The following ZNF705G variants were observed in gnomAD, a reference collection of about 807,000 sequenced individuals.
The protein encoded by ZNF705G is putative zinc finger protein 705G.
A neutral mutation model predicts 19.6 loss-of-function variants in ZNF705G; 23 were observed. The ratio of observed to expected loss-of-function variants is 1.17; its 90% CI spans 0.84 to 1.66. The LOEUF (loss-of-function observed/expected upper bound fraction) is 1.66, where lower values mean the gene tolerates loss of function less well. Ranked by LOEUF, ZNF705G falls within the 40% of genes most tolerant of loss-of-function variation. ZNF705G has a pLI of 0.00. For synonymous variants in ZNF705G, 146 were observed against 117.7 expected, an observed-to-expected ratio of 1.24 and a Z score of -1.56; for missense variants, 457 against 354.4, an observed-to-expected ratio of 1.29 and a Z score of -2.32.
At chr8:7,379,849 G>A (rs145022456) in intron 2 of ZNF705G, among the ~76,000 whole-genome samples, 4 of 146,238 alleles carry the variant, frequency 2.7e-5, no homozygotes, top group African/African-American at 1.1e-4. Flanking sequence ...CCCAGACACA[G>A]GCAGCTGTGG....
intron 1 of ZNF705G, among the ~76,000 whole-genome samples, 179 bp from the exon 2 acceptor site, chr8:7,381,780 T>A (rs1371952215): frequency 2.0e-5 from 3 of 149,228 alleles, no homozygotes; most frequent in Non-Finnish European, 4.4e-5. Context: ...AAACTACCTA[T>A]CTGGTACTAT....
intron 3 of ZNF705G, among the ~76,000 whole-genome samples, chr8:7,362,730 G>C (rs150451986): frequency 0.024 from 3,597 of 149,166 alleles, 460 homozygotes; most frequent in African/African-American, 0.088. Context: ...ACCCAACCTA[G>C]AGTCCTGAGA....
chr8:7,383,135 T>A (rs1411831353), intron 1 of ZNF705G, among the ~76,000 whole-genome samples: 16 of 149,966 alleles, frequency 1.1e-4, no homozygotes, highest in African/African-American at 3.0e-4. Flanking sequence ...ATTTTTTTTT[T>A]TTTTTTTTTT....
chr8:7,381,651 C>T (rs1807502629), intron 1 of ZNF705G, 50 bp from the exon 2 acceptor site: 1 of 147,840 alleles, frequency 6.8e-6, no homozygotes. Flanking sequence ...GAATAGAAAA[C>T]CAAATATTGC....
At position 7,365,623 on chromosome 8, in the gene ZNF705G, G is replaced by A. The variant is rs1158008214; in HGVS notation, c.-71-2606C>T. Among the ~76,000 whole-genome samples, 71 of 149,384 alleles carry A rather than the reference G, an allele frequency of 4.8e-4. 4 individuals are homozygous for A. Among genetic ancestry groups the A allele is most frequent in the African/African-American group, 1.8e-3 (68 of 38,824 alleles). On this transcript the variant is annotated intron_variant, in intron 2 of 6. Transcript: ENST00000400156. ...GACCTCAGGTGATCCGCCAGCCTCCGCCTCTCAAAGTATTGGGATTACAGG... is the reference window on the plus strand; with the variant it reads ...GACCTCAGGTGATCCGCCAGCCTCCACCTCTCAAAGTATTGGGATTACAGG...
rs765587962 is a variant in ZNF705G, at chr8:7,358,533, A to C, written c.346T>G (p.Phe116Val). The change falls in exon 7 of 7, where the codon TTT (phenylalanine) becomes GTT (valine). Residue 116 changes from phenylalanine to valine, a missense_variant. Coordinates refer to ENST00000400156, the MANE Select transcript of ZNF705G (RefSeq NM_001164457.3). ...TCTTCTCCCGAATCATTACATTCAA[A>C]AGGATCCTCCAGAATGAGAGAGTTC... Reference protein sequence around the residue: ...MENSLILEDPFECNDSGEDCT... With the variant: ...MENSLILEDPVECNDSGEDCT... 2 of 1,607,358 alleles carry C rather than the reference A, an allele frequency of 1.2e-6. No homozygotes were observed. The highest frequency in any genetic ancestry group is 1.7e-6 in the Non-Finnish European group (2 of 1,179,582).
At position 7,361,191 on chromosome 8, in the gene ZNF705G, C is replaced by G. The variant is rs1336491272; in HGVS notation, c.58G>C (p.Glu20Gln). 3.1e-6 allele frequency: 5 copies of G among 1,592,954 alleles called. 1 individual carries two copies. The African/African-American group carries it at 7.1e-5, about 22-fold the overall frequency. ...TTGGATGTGTCCATCATGGCCCACT[C>G]TTCCTGGGTGAAGTCAATAGCTACA... ...EDVAIDFTQE[E>Q]WAMMDTSKRK... Residue 20 changes from glutamate to glutamine, a missense_variant, in exon 4 of 7, where the codon GAG (glutamate) becomes CAG (glutamine). Coordinates refer to ENST00000400156, the MANE Select transcript of ZNF705G (RefSeq NM_001164457.3).
intron 2 of ZNF705G, among the ~76,000 whole-genome samples, chr8:7,368,083 T>A (rs1436792739): frequency 6.7e-6 from 1 of 149,158 alleles, no homozygotes; most frequent in African/African-American, 2.6e-5. Flanking sequence ...CTGATTGGCT[T>A]CCCCTTATAT....
In ZNF705G at chr8:7,356,829, T is replaced by G. The variant is rs944090983; in HGVS notation, c.*1147A>C. ...ACAACAGATTGTATTCTTTCAATAT[T>G]TGTAAGTATTGATCTTTTGGAAAAG... On this transcript the variant is annotated 3_prime_UTR_variant, in exon 7 of 7. Transcript: ENST00000400156. The G allele has an allele frequency of 6.7e-5, 10 of 149,948 alleles. No homozygotes were observed. The highest frequency in any genetic ancestry group is 2.3e-4 in the African/African-American group (9 of 39,300). 9.3% of individuals were successfully genotyped at this position (149,948 alleles called of 1,614,324 possible). A position where few individuals can be genotyped will look rare whatever the true frequency, so the allele number is the denominator to read the frequency against.
chr8:7,358,892 A>G (rs1806429902), intron 6 of ZNF705G, among the ~76,000 whole-genome samples: 1 of 149,440 alleles, frequency 6.7e-6, no homozygotes, highest in African/African-American at 2.6e-5. Flanking sequence ...TGGCAATGCA[A>G]ACTGATAACT....
chr8:7,382,994 C>T lies in ZNF705G; in HGVS notation c.-221-1393G>A, dbSNP rs201250438. 6.7e-5 allele frequency among the ~76,000 whole-genome samples: 10 copies of T among 148,240 alleles called. 1 individual carries two copies. The South Asian group carries it at 1.5e-3, about 22-fold the overall frequency. Reference sequence around the variant, plus strand: ...ATCACTCTGTATGCCTTTTTGAACTCATACCCTAGCTCCCACTTATAAATG... The same window carrying T: ...ATCACTCTGTATGCCTTTTTGAACTTATACCCTAGCTCCCACTTATAAATG... On this transcript the variant is annotated intron_variant, in intron 1 of 6. Coordinates refer to ENST00000400156, the MANE Select transcript of ZNF705G (RefSeq NM_001164457.3).
intron 4 of ZNF705G, among the ~76,000 whole-genome samples, chr8:7,360,649 G>A (rs1409184053): frequency 2.0e-5 from 3 of 149,508 alleles, no homozygotes; most frequent in East Asian, 1.9e-4. Context: ...TCTCTGCACA[G>A]TGTGTTTACT....
chr8:7,361,617 G>A lies in ZNF705G; in HGVS notation c.13-381C>T, dbSNP rs926855235. Among the ~76,000 whole-genome samples the A allele has an allele frequency of 1.9e-4, 29 of 149,756 alleles. 2 individuals carry two copies. The highest frequency in any genetic ancestry group is 7.1e-4 in the African/African-American group (28 of 39,166). On this transcript the variant is annotated intron_variant, in intron 3 of 6. Transcript: ENST00000400156. ...GATTTGTCACAAGGCAAATAACCATGATTTACTACTTCTTAAGCATGACTC... is the reference window on the plus strand; with the variant it reads ...GATTTGTCACAAGGCAAATAACCATAATTTACTACTTCTTAAGCATGACTC...
At chr8:7,368,402 G>GGA (rs1411042770) in intron 2 of ZNF705G, among the ~76,000 whole-genome samples, 1 of 149,454 alleles carries the variant, frequency 6.7e-6, no homozygotes, top group Non-Finnish European at 1.5e-5. Flanking sequence ...AGAGTCTTCT[G>GGA]GAGACTCTAT....
intron 1 of ZNF705G, among the ~76,000 whole-genome samples, chr8:7,382,922 T>A (rs1444001381): frequency 6.8e-6 from 1 of 147,242 alleles, no homozygotes; most frequent in Non-Finnish European, 1.5e-5. Context: ...AATAGGTAGT[T>A]TTGTATTCCT....
intron 1 of ZNF705G, among the ~76,000 whole-genome samples, chr8:7,382,066 A>C (rs1190748639): frequency 6.6e-6 from 1 of 152,134 alleles, no homozygotes; most frequent in African/African-American, 2.4e-5. Context: ...GTGGCAAAAC[A>C]GATCTGCTGA....
Position 7,357,997 on chromosome 8 carries a change from A to C in ZNF705G, c.882T>G (p.Ser294Arg). Residue 294 changes from serine to arginine, a missense_variant, in exon 7 of 7, where the codon AGT (serine) becomes AGG (arginine). Ser to Arg is a moderately radical substitution (Grantham distance 110, BLOSUM62 -1). Coordinates refer to ENST00000400156, the MANE Select transcript of ZNF705G (RefSeq NM_001164457.3). ...HACLLCGKAF[S>R]LSSNLR is the part of the protein sequence containing the mutation. ...CATGTCATCTAAGGTTGGAAGACAG[A>C]CTGAAGGCCTTCCCACATAGAAGAC... 1 of 1,609,228 alleles carries C rather than the reference A, an allele frequency of 6.2e-7. No individual in the cohort carries two copies. Among genetic ancestry groups the C allele is most frequent in the Non-Finnish European group, 8.5e-7 (1 of 1,179,800 alleles).
intron 2 of ZNF705G, among the ~76,000 whole-genome samples, chr8:7,365,097 A>C (rs1806797137): frequency 6.7e-6 from 1 of 149,740 alleles, no homozygotes; most frequent in African/African-American, 2.6e-5. Context: ...TATTATAAGA[A>C]AGTTAAAGCA....
At position 7,364,952 on chromosome 8, in the gene ZNF705G, A is replaced by T. The variant is rs1372644053; in HGVS notation, c.-71-1935T>A. ...GCTGTAACCCTTAATATTATTACCA[A>T]GTAAACTCTTCCTCGAATATCAAAA... On this transcript the variant is annotated intron_variant, in intron 2 of 6. Transcript: ENST00000400156. Among the ~76,000 whole-genome samples, 2 of 149,648 alleles carry T rather than the reference A, an allele frequency of 1.3e-5. 1 individual carries two copies. The highest frequency in any genetic ancestry group is 5.1e-5 in the African/African-American group (2 of 39,044).
Sources: allele counts gnomAD v4.1 joint callset (sites outside exome capture counted in the v4.1 genomes callset), GRCh38; gene constraint gnomAD v4.1.1; transcripts MANE v1.5; gene names NCBI Gene and HGNC (gene_info 2026-07-23, HGNC 2026-07-21).